The following FBLN5 variants were observed in gnomAD, a reference collection of about 807,000 sequenced individuals.
FBLN5 encodes the protein fibulin 5, also known as fibulin-5.
FBLN5 carries 24 observed loss-of-function variants against 61.6 expected under a neutral mutation model. That is an observed-to-expected ratio of 0.39 (90% confidence interval 0.28 to 0.55). The LOEUF is 0.55. Ranked by LOEUF, FBLN5 falls within the 20% of genes least tolerant of loss-of-function variation. The pLI, the probability that FBLN5 is intolerant of heterozygous loss-of-function variation, is 0.65. For missense variants in FBLN5, 470 were observed against 594.1 expected (o/e 0.79, Z 2.17); for synonymous variants, 213 against 219.8 (o/e 0.97, Z 0.27).
intron 4 of FBLN5, among the ~76,000 whole-genome samples, chr14:91,917,763 T>C (rs1595333038): frequency 6.6e-6 from 1 of 152,316 alleles, no homozygotes; most frequent in South Asian, 2.1e-4. Context: ...AGTCCTAATG[T>C]TGGCATTTGC....
chr14:91,871,812 G>T (rs188429474), intron 10 of FBLN5, among the ~76,000 whole-genome samples: 1 of 150,464 alleles, frequency 6.6e-6, no homozygotes, highest in East Asian at 2.0e-4. Flanking sequence ...AATAGAGATC[G>T]CACCACTATA....
At chr14:91,929,273 T>A (rs1176730569) in intron 4 of FBLN5, among the ~76,000 whole-genome samples, 2 of 152,174 alleles carry the variant, frequency 1.3e-5, no homozygotes, top group African/African-American at 4.8e-5. Context: ...TAATGTGATA[T>A]GTAAATATCT....
At chr14:91,936,613 T>C (rs1375308287) in intron 4 of FBLN5, among the ~76,000 whole-genome samples, 1 of 152,250 alleles carries the variant, frequency 6.6e-6, no homozygotes, top group Non-Finnish European at 1.5e-5. Flanking sequence ...ACCAGATGTA[T>C]TGGTTATTTG....
At chr14:91,944,076 T>A (rs1477578844) in intron 1 of FBLN5, among the ~76,000 whole-genome samples, 1 of 152,118 alleles carries the variant, frequency 6.6e-6, no homozygotes, top group Non-Finnish European at 1.5e-5. Flanking sequence ...ATGCCTGTAA[T>A]CCCAGCACTT....
At chr14:91,874,441 T>C (rs559613761) in intron 10 of FBLN5, 1 of 152,230 alleles carries the variant, frequency 6.6e-6, no homozygotes, top group South Asian at 2.1e-4. Context: ...GCTGGAAGAG[T>C]AGGTAAAGCA....
chr14:91,895,154 T>A lies in FBLN5; in HGVS notation c.380-82A>T, dbSNP rs537935589. On this transcript the variant is annotated intron_variant, in intron 4 of 10. Coordinates refer to ENST00000342058, the MANE Select transcript of FBLN5 (RefSeq NM_006329.4). ...CCACCAGGGGTGCCAGTGGCTCATC[T>A]TGGCTGGGAGGCAGTTAATAAGGTC... The A allele has an allele frequency of 2.5e-6, 4 of 1,569,166 alleles. No homozygotes were observed. In the African/African-American group the frequency reaches 5.4e-5, roughly 21 times the overall value.
chr14:91,903,123 C>T (rs945581053), intron 4 of FBLN5, among the ~76,000 whole-genome samples: 3 of 152,008 alleles, frequency 2.0e-5, no homozygotes, highest in African/African-American at 7.3e-5. Flanking sequence ...AATCAAGCAG[C>T]GATTCTTAAC....
chr14:91,878,530 G>A (rs901444580), intron 9 of FBLN5, among the ~76,000 whole-genome samples: 15 of 152,094 alleles, frequency 9.9e-5, no homozygotes, highest in African/African-American at 2.9e-4. Flanking sequence ...GGTGGCCAAC[G>A]CTAGGAGTCA....
intron 4 of FBLN5, among the ~76,000 whole-genome samples, chr14:91,925,268 C>T (rs191892876): frequency 7.2e-5 from 11 of 152,358 alleles, no homozygotes; most frequent in Non-Finnish European, 1.5e-4. Flanking sequence ...CTGCCTGCAG[C>T]AGGGCCCAGC....
chr14:91,918,467 T>C (rs1250361066), intron 4 of FBLN5, among the ~76,000 whole-genome samples: 1 of 152,146 alleles, frequency 6.6e-6, no homozygotes, highest in African/African-American at 2.4e-5. Flanking sequence ...ATTTAAGATA[T>C]GATTGAAGAG....
Position 91,934,191 on chromosome 14 carries a change from T to C in FBLN5, c.379+2756A>G, listed in dbSNP as rs146008119. Among the ~76,000 whole-genome samples, 650 of 152,354 alleles carry C rather than the reference T, an allele frequency of 4.3e-3. 5 individuals are homozygous for C. Among genetic ancestry groups the C allele is most frequent in the African/African-American group, 0.015 (613 of 41,574 alleles). On this transcript the variant is annotated intron_variant, in intron 4 of 10. Coordinates refer to ENST00000342058, the MANE Select transcript of FBLN5 (RefSeq NM_006329.4). ...TACAGCCTGGGTAACAGCCAGACCC[T>C]GTCTCAGAAAACAAAAATAGCAAGA...
At chr14:91,926,121 C>T (rs149833396) in intron 4 of FBLN5, among the ~76,000 whole-genome samples, 1 of 152,330 alleles carries the variant, frequency 6.6e-6, no homozygotes, top group Non-Finnish European at 1.5e-5. Context: ...GGCACTGTGC[C>T]TTTGTCTCAG....
Position 91,911,673 on chromosome 14 carries a change from A to G in FBLN5, c.380-16601T>C, listed in dbSNP as rs1176946578. On this transcript the variant is annotated intron_variant, in intron 4 of 10. Transcript: ENST00000342058. ...AAATAAGGCCTCTGAGGTCTCTTCT[A>G]TCTGGAAAGGTTGGTGAATCCAAAT... 2.0e-5 allele frequency among the ~76,000 whole-genome samples: 3 copies of G among 152,180 alleles called. No individual in the cohort carries two copies. The East Asian group carries it at 5.8e-4, about 29-fold the overall frequency.
chr14:91,947,277 G>A lies in FBLN5; in HGVS notation c.-48C>T, dbSNP rs2056200022. On this transcript the variant is annotated 5_prime_UTR_variant, in exon 1 of 11. Coordinates refer to ENST00000342058, the MANE Select transcript of FBLN5 (RefSeq NM_006329.4). This position sits in a 1 kb window ranked among gnomAD's most constrained non-coding sequence, Gnocchi z 4.3. ...ATGCGAAGGCGAGAAGAAAGCTCGCGGGCGGGACCCCCGGAGGAGCTCGGG... is the reference window on the plus strand; with the variant it reads ...ATGCGAAGGCGAGAAGAAAGCTCGCAGGCGGGACCCCCGGAGGAGCTCGGG... 1.9e-6 allele frequency: 3 copies of A among 1,613,580 alleles called. No homozygotes were observed. Among genetic ancestry groups the A allele is most frequent in the Non-Finnish European group, 2.5e-6 (3 of 1,179,614 alleles).
intron 9 of FBLN5, among the ~76,000 whole-genome samples, chr14:91,878,256 A>C (rs1889263328): frequency 6.6e-6 from 1 of 152,214 alleles, no homozygotes; most frequent in South Asian, 2.1e-4. Flanking sequence ...TTGGAAATTC[A>C]ATGAATAATA....
chr14:91,922,815 A>G (rs1423858429), intron 4 of FBLN5, among the ~76,000 whole-genome samples: 1 of 152,156 alleles, frequency 6.6e-6, no homozygotes, highest in African/African-American at 2.4e-5. Flanking sequence ...TTCTCACAGG[A>G]CCAGGCCAGG....
intron 10 of FBLN5, among the ~76,000 whole-genome samples, chr14:91,872,500 G>T (rs1044686967): frequency 2.0e-5 from 3 of 152,138 alleles, no homozygotes; most frequent in Non-Finnish European, 4.4e-5. Flanking sequence ...CTGGTTTAAA[G>T]CTACACTAGA....
intron 6 of FBLN5, 108 bp from the exon 7 acceptor site, chr14:91,887,420 G>T: frequency 8.7e-7 from 1 of 1,147,222 alleles, no homozygotes; most frequent in Non-Finnish European, 1.3e-6. Context: ...GGAGACCAGA[G>T]TCCCAGGTAC....
chr14:91,926,037 CGCCA>C lies in FBLN5; in HGVS notation c.379+10906_379+10909del, dbSNP rs1269490074. Among the ~76,000 whole-genome samples the C allele has an allele frequency of 3.3e-5, 5 of 152,292 alleles. No homozygotes were observed. The East Asian group carries it at 9.7e-4, about 29-fold the overall frequency. ...TCATCGGTGCCCGCACTCTTCCTTC[CGCCA>C]TTCATTCATTCAAAAATCACTCCAC... On this transcript the variant is annotated intron_variant, in intron 4 of 10. Coordinates refer to ENST00000342058, the MANE Select transcript of FBLN5 (RefSeq NM_006329.4).
Sources: allele counts gnomAD v4.1 joint callset (sites outside exome capture counted in the v4.1 genomes callset), GRCh38; gene constraint gnomAD v4.1.1; non-coding constraint Gnocchi (gnomAD v3.1); transcripts MANE v1.5; gene names NCBI Gene and HGNC (gene_info 2026-07-23, HGNC 2026-07-21).